ATP10A: variants seen among roughly 807,000 people sequenced by gnomAD.
ATP10A encodes ATPase phospholipid transporting 10A (putative), also known as phospholipid-transporting ATPase VA.
A neutral mutation model predicts 147.8 loss-of-function variants in ATP10A; 111 were observed. The observed-to-expected ratio is 0.75, with a 90% CI of 0.64 to 0.88. ATP10A has a LOEUF of 0.88. ATP10A is among the 40% of genes least tolerant of loss of function. The pLI is 0.00. For missense variants in ATP10A, 1,927 were observed against 1,959.0 expected (o/e 0.98, Z 0.31); for synonymous variants, 875 against 841.6 (o/e 1.04, Z -0.69).
chr15:25,769,090 G>T (rs865891808), intron 2 of ATP10A, among the ~76,000 whole-genome samples: 1 of 152,040 alleles, frequency 6.6e-6, no homozygotes, highest in Non-Finnish European at 1.5e-5. Context: ...GCATGCACAC[G>T]CGCTCCAATA....
At position 25,723,872 on chromosome 15, in the gene ATP10A, C is replaced by A; in HGVS notation, c.1110+19G>T. ...TCATAAAAGTAAAGCAATTATTGTA[C>A]GATACTTAGTATTGTTACCTGCAGA... On this transcript the variant is annotated intron_variant, in intron 6 of 20. Coordinates refer to ENST00000555815, the MANE Select transcript of ATP10A (RefSeq NM_024490.4). The A allele has an allele frequency of 6.4e-7, 1 of 1,554,768 alleles. No homozygotes were observed. The highest frequency in any genetic ancestry group is 8.7e-7 in the Non-Finnish European group (1 of 1,151,928).
chr15:25,747,752 C>T (rs1434040492), intron 2 of ATP10A, among the ~76,000 whole-genome samples: 1 of 152,088 alleles, frequency 6.6e-6, no homozygotes, highest in Non-Finnish European at 1.5e-5. Context: ...TTGAATCTTT[C>T]TGCAAAAAAC....
intron 2 of ATP10A, among the ~76,000 whole-genome samples, chr15:25,777,084 TGTGCATACGTGC>T (rs1270565760): frequency 7.2e-6 from 1 of 137,968 alleles, no homozygotes; most frequent in East Asian, 2.3e-4. Context: ...CATGCGTGTG[TGTGCATACGTGC>T]GTGTGTGTGT....
chr15:25,685,056 C>T (rs1235610217), intron 16 of ATP10A, among the ~76,000 whole-genome samples: 2 of 152,116 alleles, frequency 1.3e-5, no homozygotes, highest in Non-Finnish European at 2.9e-5. Context: ...AGTGAGTCAT[C>T]GGTAGCAAAT....
At chr15:25,815,743 G>A (rs192302882) in intron 1 of ATP10A, among the ~76,000 whole-genome samples, 1 of 135,784 alleles carries the variant, frequency 7.4e-6, no homozygotes, top group African/African-American at 2.7e-5. Context: ...ATAAAATGTT[G>A]GAAATGTTAA....
chr15:25,849,886 C>G (rs1466942093), intron 1 of ATP10A, among the ~76,000 whole-genome samples: 2 of 151,950 alleles, frequency 1.3e-5, no homozygotes, highest in Non-Finnish European at 2.9e-5. Flanking sequence ...TATTACAATG[C>G]AAGTCACAAT....
chr15:25,796,884 T>C lies in ATP10A; in HGVS notation c.450-15661A>G, dbSNP rs917973209. Among the ~76,000 whole-genome samples, 3 of 152,230 alleles carry C rather than the reference T, an allele frequency of 2.0e-5. No individual in the cohort carries two copies. The South Asian group carries it at 6.2e-4, about 31-fold the overall frequency. ...TTAAATTTTAATTGCCAAATAATAA[T>C]TGTATATAGTATGAGGCACAATGTC... On this transcript the variant is annotated intron_variant, in intron 1 of 20. Coordinates refer to ENST00000555815, the MANE Select transcript of ATP10A (RefSeq NM_024490.4).
chr15:25,674,534 G>C (rs1243690065), downstream of ATP10A, among the ~76,000 whole-genome samples: 2 of 152,058 alleles, frequency 1.3e-5, no homozygotes, highest in East Asian at 3.9e-4. Flanking sequence ...TCACGGCTTC[G>C]GGAATAATAA....
chr15:25,714,830 AT>A (rs1210491786), intron 9 of ATP10A, among the ~76,000 whole-genome samples: 1 of 152,198 alleles, frequency 6.6e-6, no homozygotes, highest in African/African-American at 2.4e-5. Flanking sequence ...GTCTATAAAA[AT>A]TTAATATACA....
At chr15:25,769,380 G>A (rs531413540) in intron 2 of ATP10A, among the ~76,000 whole-genome samples, 156 of 150,748 alleles carry the variant, frequency 1.0e-3, no homozygotes, top group Middle Eastern at 3.5e-3. Context: ...CCAGCTACTC[G>A]GGAGGCTGAG....
Position 25,713,900 on chromosome 15 carries a change from C to T in ATP10A, c.2118G>A (p.Ala706=), listed in dbSNP as rs769429272. 5 of 1,613,350 alleles carry T rather than the reference C, an allele frequency of 3.1e-6. No homozygotes were observed. Among genetic ancestry groups the T allele is most frequent in the East Asian group, 2.2e-5 (1 of 44,884 alleles). ...ESPDEAALVY[A]ARAYNCVLVE... is the part of the protein sequence containing the mutation. The stretch of plus-strand genomic sequence containing the variant: ...CAAGCACGCAGTTGTAGGCTCTGGC[C>T]GCATACACCAGTGCGGCCTCATCCG... The change falls in exon 10 of 21, where the codon GCG becomes GCA. Residue 706 remains alanine, a synonymous_variant. Transcript: ENST00000555815.
chr15:25,799,260 A>C (rs1435737880), intron 1 of ATP10A, among the ~76,000 whole-genome samples: 1 of 152,082 alleles, frequency 6.6e-6, no homozygotes, highest in Admixed American at 6.5e-5. Context: ...CTCCCCTCTC[A>C]CATCCCTGCC....
chr15:25,714,127 T>C lies in ATP10A; in HGVS notation c.1891A>G (p.Asn631Asp). The change falls in exon 10 of 21, where the codon AAC (asparagine) becomes GAC (aspartate). Residue 631 changes from asparagine to aspartate, a missense_variant. Asn to Asp is a conservative substitution (Grantham distance 23, BLOSUM62 1). Transcript: ENST00000555815. ...GAGCCCAACTTGTGGCTGGACTTGT[T>C]GGCGGCCAGGCTCCCGATGCTGCTG... ...GCSSIGSLAA[N>D]KSSHKLGSSF... The C allele has an allele frequency of 1.2e-6, 2 of 1,612,784 alleles. No individual in the cohort carries two copies. The highest frequency in any genetic ancestry group is 1.7e-6 in the Non-Finnish European group (2 of 1,180,026).
chr15:25,777,892 G>A (rs542267821), intron 2 of ATP10A, among the ~76,000 whole-genome samples: 111 of 151,268 alleles, frequency 7.3e-4, no homozygotes, highest in Admixed American at 3.6e-3. Flanking sequence ...GATTATGGGC[G>A]TGAGCCACTG....
intron 1 of ATP10A, among the ~76,000 whole-genome samples, chr15:25,810,196 C>T (rs927146564): frequency 2.0e-5 from 3 of 152,150 alleles, no homozygotes; most frequent in Admixed American, 6.5e-5. Flanking sequence ...AAACCATTCT[C>T]ATGCTCCTCA....
At chr15:25,727,581 C>A (rs1248194935) in intron 3 of ATP10A, among the ~76,000 whole-genome samples, 1 of 152,200 alleles carries the variant, frequency 6.6e-6, no homozygotes, top group Non-Finnish European at 1.5e-5. Flanking sequence ...AAACTCCCAA[C>A]CGGCCAAGGA....
chr15:25,766,127 A>G lies in ATP10A; in HGVS notation c.654+14892T>C, dbSNP rs551610290. ...AAAAATTAGGAAGAAACAAAAGTGGAAACCCCTCATAAACCCATCAGGTCT... is the reference window on the plus strand; with the variant it reads ...AAAAATTAGGAAGAAACAAAAGTGGGAACCCCTCATAAACCCATCAGGTCT... On this transcript the variant is annotated intron_variant, in intron 2 of 20. Transcript: ENST00000555815. Among the ~76,000 whole-genome samples, 164 of 152,332 alleles carry G rather than the reference A, an allele frequency of 1.1e-3. 1 individual carries two copies. Among genetic ancestry groups the G allele is most frequent in the African/African-American group, 3.8e-3 (159 of 41,570 alleles).
intron 1 of ATP10A, among the ~76,000 whole-genome samples, chr15:25,843,935 G>A (rs1892915211): frequency 6.6e-6 from 1 of 152,112 alleles, no homozygotes; most frequent in Non-Finnish European, 1.5e-5. Context: ...TGGTCTCGCG[G>A]AGCTGTTTTA....
chr15:25,681,796 GT>G (rs1224200314), intron 17 of ATP10A, among the ~76,000 whole-genome samples: 1 of 152,170 alleles, frequency 6.6e-6, no homozygotes, highest in African/African-American at 2.4e-5. Context: ...GCTCACGCCT[GT>G]AATCCCAGCA....
Sources: gnomAD v4.1 joint callset for allele counts (sites outside exome capture counted in the v4.1 genomes callset) on GRCh38, gnomAD v4.1.1 for gene constraint, MANE v1.5 for transcripts, NCBI Gene and HGNC (gene_info 2026-07-23, HGNC 2026-07-21) for gene names.